ZNF609: variants seen among roughly 807,000 people sequenced by gnomAD.
ZNF609 encodes the protein zinc finger protein 609.
In ZNF609, 11 loss-of-function variants were observed where a neutral mutation model predicts 109.5. That is an observed-to-expected ratio of 0.10 (90% CI 0.06 to 0.17). The LOEUF (loss-of-function observed/expected upper bound fraction) is 0.17, where lower values mean the gene tolerates loss of function less well. ZNF609 is among the 10% of genes least tolerant of loss of function. The pLI is 1.00. For missense variants in ZNF609, 1,559 were observed against 1,772.4 expected (o/e 0.88, Z 2.16); for synonymous variants, 646 against 662.0 (o/e 0.98, Z 0.37).
At chr15:64,481,975 G>A (rs1477571040) in intron 1 of ZNF609, among the ~76,000 whole-genome samples, 1 of 151,946 alleles carries the variant, frequency 6.6e-6, no homozygotes, top group Non-Finnish European at 1.5e-5. Flanking sequence ...AGCAGAGATG[G>A]GGTTTCACCA....
chr15:64,555,409 A>C (rs1894563347), intron 2 of ZNF609, among the ~76,000 whole-genome samples: 1 of 152,110 alleles, frequency 6.6e-6, no homozygotes, highest in African/African-American at 2.4e-5. Context: ...GCACGCCTGT[A>C]ATCCCAGCAC....
intron 3 of ZNF609, among the ~76,000 whole-genome samples, chr15:64,640,854 G>A (rs554540880): frequency 6.6e-6 from 1 of 152,204 alleles, no homozygotes; most frequent in Non-Finnish European, 1.5e-5. Context: ...AGCCTTTGTG[G>A]CACTTATGCA....
chr15:64,518,951 AT>A (rs1893853455), intron 2 of ZNF609, among the ~76,000 whole-genome samples: 1 of 151,988 alleles, frequency 6.6e-6, no homozygotes, highest in Non-Finnish European at 1.5e-5. Context: ...AGCAAAATAG[AT>A]TTGGTCCTGC....
At chr15:64,572,164 C>T (rs919965074) in intron 2 of ZNF609, among the ~76,000 whole-genome samples, 1 of 152,102 alleles carries the variant, frequency 6.6e-6, no homozygotes, top group Non-Finnish European at 1.5e-5. Flanking sequence ...GTTCTGTAAA[C>T]AAAAATGTCA....
chr15:64,635,586 A>G (rs1390494183), intron 3 of ZNF609, among the ~76,000 whole-genome samples: 1 of 152,186 alleles, frequency 6.6e-6, no homozygotes, highest in Non-Finnish European at 1.5e-5. Flanking sequence ...TTTGTTAGTC[A>G]TTGGTTGTGA....
chr15:64,480,296 G>A (rs1893233844), intron 1 of ZNF609, among the ~76,000 whole-genome samples: 1 of 152,084 alleles, frequency 6.6e-6, no homozygotes, highest in Admixed American at 6.5e-5. Flanking sequence ...CACTTTGGGA[G>A]GCTGAGGCAG....
chr15:64,466,116 C>CAAAAA (rs749648623), intron 1 of ZNF609, among the ~76,000 whole-genome samples: 1 of 81,860 alleles, frequency 1.2e-5, no homozygotes, highest in Non-Finnish European at 2.2e-5. Context: ...AACCCTGTCT[C>CAAAAA]AAAAAAAAAA....
Position 64,674,841 on chromosome 15 carries a change from A to T in ZNF609, c.1987A>T (p.Ile663Phe). The stretch of plus-strand genomic sequence containing the variant: ...GTCAGCCCGTCCCATTGCCCCTGCC[A>T]TCCCCCCACAGCAAATCTACACCTT... ...LKSARPIAPA[I>F]PPQQIYTFQT... Residue 663 changes from isoleucine (I) to phenylalanine (F), a missense_variant, in exon 5 of 10, where the codon ATC becomes TTC. This residue lies in a region of ZNF609 where 1,204 missense variants were observed against 1,314.1 expected (regional missense o/e 0.92). Coordinates refer to ENST00000326648, the MANE Select transcript of ZNF609 (RefSeq NM_015042.2). 1 of 1,614,004 alleles carries T rather than the reference A, an allele frequency of 6.2e-7. No individual in the cohort carries two copies. Among genetic ancestry groups the T allele is most frequent in the Non-Finnish European group, 8.5e-7 (1 of 1,179,988 alleles).
intron 2 of ZNF609, among the ~76,000 whole-genome samples, chr15:64,546,789 C>CTTTT (rs1206513622): frequency 2.4e-5 from 3 of 122,564 alleles, no homozygotes; most frequent in Non-Finnish European, 5.0e-5. Context: ...TTTCATGTTT[C>CTTTT]TTTTTTTTTT....
intron 2 of ZNF609, among the ~76,000 whole-genome samples, chr15:64,538,627 A>G (rs1894193316): frequency 6.6e-6 from 1 of 151,956 alleles, no homozygotes; most frequent in South Asian, 2.1e-4. Flanking sequence ...GCTCACCGCA[A>G]CCTCCGCCTC....
intron 2 of ZNF609, among the ~76,000 whole-genome samples, chr15:64,610,130 A>C (rs1895693650): frequency 6.6e-6 from 1 of 152,188 alleles, no homozygotes; most frequent in South Asian, 2.1e-4. Flanking sequence ...TGAGCCCAGG[A>C]GTTCGAGAGC....
Position 64,472,619 on chromosome 15 carries a change from CTT to C in ZNF609, c.-128+11783_-128+11784del, listed in dbSNP as rs1443977965. 2.6e-5 allele frequency among the ~76,000 whole-genome samples: 4 copies of C among 152,116 alleles called. No individual in the cohort carries two copies. In the East Asian group the frequency reaches 7.7e-4, roughly 29 times the overall value. ...GTGGCTCTTCCTTGTAATCCCAACA[CTT>C]TGGGAGGCCGAGGCTGGAGGATCAC... On this transcript the variant is annotated intron_variant, in intron 1 of 9. Coordinates refer to ENST00000326648, the MANE Select transcript of ZNF609 (RefSeq NM_015042.2).
At chr15:64,483,088 T>C (rs1243219432) in intron 1 of ZNF609, among the ~76,000 whole-genome samples, 2 of 152,110 alleles carry the variant, frequency 1.3e-5, no homozygotes, top group African/African-American at 4.8e-5. Context: ...GTTTCAGTTT[T>C]TTCTTTCTTT....
intron 1 of ZNF609, among the ~76,000 whole-genome samples, chr15:64,466,116 CAAAAAAAAAA>C (rs749648623): frequency 7.3e-5 from 6 of 81,896 alleles, no homozygotes; most frequent in East Asian, 8.2e-4. Flanking sequence ...AACCCTGTCT[CAAAAAAAAAA>C]AAAAAAAAAA....
intron 1 of ZNF609, among the ~76,000 whole-genome samples, chr15:64,467,351 C>T (rs948969312): frequency 1.3e-5 from 2 of 152,190 alleles, no homozygotes; most frequent in African/African-American, 4.8e-5. Flanking sequence ...AGCAATATCT[C>T]TACCCCTTCT....
chr15:64,593,766 G>A (rs1348089549), intron 2 of ZNF609, among the ~76,000 whole-genome samples: 1 of 152,198 alleles, frequency 6.6e-6, no homozygotes, highest in Non-Finnish European at 1.5e-5. Flanking sequence ...CTAGACTCAA[G>A]TGATCCACCT....
chr15:64,553,178 G>A (rs1015688427), intron 2 of ZNF609, among the ~76,000 whole-genome samples: 2 of 151,366 alleles, frequency 1.3e-5, no homozygotes, highest in African/African-American at 4.9e-5. Context: ...GAAGTCATAT[G>A]ATTTAAATCT....
At chr15:64,550,990 G>A (rs1053477340) in intron 2 of ZNF609, among the ~76,000 whole-genome samples, 2 of 152,102 alleles carry the variant, frequency 1.3e-5, no homozygotes, top group Non-Finnish European at 2.9e-5. Context: ...TGGTGTCTTA[G>A]TCAAGAAATC....
In ZNF609 at chr15:64,675,976, A is replaced by AG; in HGVS notation, c.3123dup (p.Gln1042AlafsTer32). 1 of 1,614,242 alleles carries AG rather than the reference A, an allele frequency of 6.2e-7. No homozygotes were observed. Among genetic ancestry groups the AG allele is most frequent in the Non-Finnish European group, 8.5e-7 (1 of 1,180,038 alleles). ...GAGGCAGCACTCAAGGAAGAGTGGAAGCAAAAGCCGTCAATTCCACCAACT... is the reference window on the plus strand; with the variant it reads ...GAGGCAGCACTCAAGGAAGAGTGGAAGGCAAAAGCCGTCAATTCCACCAACT... On this transcript the variant is annotated frameshift_variant, in exon 5 of 10. Transcript: ENST00000326648. LOFTEE classifies it high-confidence loss of function.
Sources: gnomAD v4.1 joint callset for allele counts (sites outside exome capture counted in the v4.1 genomes callset) on GRCh38, gnomAD v4.1.1 for gene constraint, gnomAD v4.1.1 regional missense constraint, MANE v1.5 for transcripts, NCBI Gene and HGNC (gene_info 2026-07-23, HGNC 2026-07-21) for gene names.